The following CACNA1C variants were observed in gnomAD, a reference collection of about 807,000 sequenced individuals.
CACNA1C encodes calcium voltage-gated channel subunit alpha1 C, also known as voltage-dependent L-type calcium channel subunit alpha-1C.
Under a neutral mutation model 229.0 loss-of-function variants are expected in CACNA1C, and 30 were observed. The ratio of observed to expected loss-of-function variants is 0.13; its 90% CI spans 0.10 to 0.18. The LOEUF is 0.18. Among genes scored for constraint, CACNA1C ranks in the 10% least tolerant of loss-of-function variants. The probability of loss-of-function intolerance (pLI) is 1.00; values close to 1 mark genes in which losing one functional copy is unlikely to be tolerated. For missense variants in CACNA1C, 1,658 were observed against 2,845.0 expected (o/e 0.58, Z 9.49); for synonymous variants, 1,114 against 1,132.5 (o/e 0.98, Z 0.33).
intron 1 of CACNA1C, among the ~76,000 whole-genome samples, chr12:2,032,410 A>C (rs73044412): frequency 1.3e-5 from 2 of 152,260 alleles, no homozygotes; most frequent in Non-Finnish European, 2.9e-5. Flanking sequence ...GCACACATAG[A>C]GAATGGACTC....
Position 2,691,111 on chromosome 12 carries a change from G to A in CACNA1C, c.6329G>A (p.Gly2110Asp), listed in dbSNP as rs745731628. The A allele has an allele frequency of 1.2e-6, 2 of 1,612,062 alleles. No individual in the cohort carries two copies. The highest frequency in any genetic ancestry group is 8.5e-7 in the Non-Finnish European group (1 of 1,178,904). ...GACGCGGGGCAGGACCGAGCCGGGGGCGAAGAGGACGCGGGCTGTGTGCGC... is the reference window on the plus strand; with the variant it reads ...GACGCGGGGCAGGACCGAGCCGGGGACGAAGAGGACGCGGGCTGTGTGCGC... ...CRDAGQDRAG[G>D]EEDAGCVRAR... Residue 2110 changes from glycine to aspartate, a missense_variant, in exon 47 of 47, where the codon GGC becomes GAC. By Grantham distance (94) the Gly-to-Asp change is moderately conservative (BLOSUM62 -1). Coordinates refer to ENST00000399655, the MANE Select transcript of CACNA1C (RefSeq NM_000719.7).
At chr12:2,004,448 A>G in intron 1 of CACNA1C, 2 of 1,599,788 alleles carry the variant, frequency 1.3e-6, no homozygotes, top group Non-Finnish European at 1.7e-6. Context: ...TCCCTCCCAG[A>G]CATAGGCACG....
At chr12:2,580,019 G>T (rs2059935864) in intron 13 of CACNA1C, among the ~76,000 whole-genome samples, 1 of 152,180 alleles carries the variant, frequency 6.6e-6, no homozygotes, top group South Asian at 2.1e-4. Flanking sequence ...ACAGCCTCTA[G>T]CCTGCAGGGG....
chr12:2,606,211 G>T (rs962705599), intron 24 of CACNA1C, among the ~76,000 whole-genome samples: 2 of 152,048 alleles, frequency 1.3e-5, no homozygotes, highest in African/African-American at 4.8e-5. Context: ...AGCACCCCTC[G>T]TGTCCTCCTT....
At chr12:2,107,353 C>T (rs1268630083) in intron 1 of CACNA1C, among the ~76,000 whole-genome samples, 11 of 57,886 alleles carry the variant, frequency 1.9e-4, no homozygotes, top group Admixed American at 6.3e-4. Context: ...AACCACTGGG[C>T]GCCCACCCCG....
At position 2,201,090 on chromosome 12, in the gene CACNA1C, A is replaced by T. The variant is rs376846784; in HGVS notation, c.477+80660A>T. ...CAGAGTTCCTTAAGAGTGGTGGTTT[A>T]TCTTTCTGAGGTTGGCTGCCATGTT... On this transcript the variant is annotated intron_variant, in intron 3 of 46. Transcript: ENST00000399655. Among the ~76,000 whole-genome samples the T allele has an allele frequency of 3.9e-5, 6 of 152,272 alleles. 1 individual carries two copies. Among genetic ancestry groups the T allele is most frequent in the African/African-American group, 1.4e-4 (6 of 41,564 alleles).
Position 2,173,783 on chromosome 12 carries a change from C to T in CACNA1C, c.477+53353C>T, listed in dbSNP as rs138737080. Among the ~76,000 whole-genome samples, 415 of 152,164 alleles carry T rather than the reference C, an allele frequency of 2.7e-3. 1 individual carries two copies. The highest frequency in any genetic ancestry group is 7.1e-3 in the Admixed American group (109 of 15,272). On this transcript the variant is annotated intron_variant, in intron 3 of 46. Coordinates refer to ENST00000399655, the MANE Select transcript of CACNA1C (RefSeq NM_000719.7). ...TGCCTCAGTTCCCTGATCAGTAAAA[C>T]GGGGCTAACTATAGTACCTACTACT...
chr12:2,110,376 T>C lies in CACNA1C; in HGVS notation c.50-4848T>C, dbSNP rs1265995672. Among the ~76,000 whole-genome samples, 3 of 152,296 alleles carry C rather than the reference T, an allele frequency of 2.0e-5. No homozygotes were observed. In the East Asian group the frequency reaches 5.8e-4, roughly 29 times the overall value. ...GGCACCTACCTGTTGGTGTGTGGCCTGATCTGCGAGGCAGCTGCTCAGGGC... is the reference window on the plus strand; with the variant it reads ...GGCACCTACCTGTTGGTGTGTGGCCCGATCTGCGAGGCAGCTGCTCAGGGC... On this transcript the variant is annotated intron_variant, in intron 1 of 46. Coordinates refer to ENST00000399655, the MANE Select transcript of CACNA1C (RefSeq NM_000719.7).
At chr12:2,193,834 A>AT (rs1439066521) in intron 3 of CACNA1C, among the ~76,000 whole-genome samples, 1 of 152,090 alleles carries the variant, frequency 6.6e-6, no homozygotes, top group Non-Finnish European at 1.5e-5. Flanking sequence ...GCTGCTCTTC[A>AT]TTTTGTCCTC....
intron 3 of CACNA1C, among the ~76,000 whole-genome samples, chr12:2,383,943 G>A (rs762705363): frequency 6.6e-6 from 1 of 152,222 alleles, no homozygotes; most frequent in Non-Finnish European, 1.5e-5. Context: ...TTCCCTTTCT[G>A]CCAAAGGTGC....
At chr12:2,686,598 C>T (rs2097513197) in intron 45 of CACNA1C, among the ~76,000 whole-genome samples, 1 of 152,206 alleles carries the variant, frequency 6.6e-6, no homozygotes, top group Non-Finnish European at 1.5e-5. Flanking sequence ...TGACACTGGC[C>T]TATGCCTCAG....
rs76184973 is a variant in CACNA1C, at chr12:2,267,778, G to A, written c.477+147348G>A. On this transcript the variant is annotated intron_variant, in intron 3 of 46. Transcript: ENST00000399655. ...GGGGGGTTGGAATGTGTCTGCGGAGGGCAGCGAGGAAGGAGCCTGCTGGAA... is the reference window on the plus strand; with the variant it reads ...GGGGGGTTGGAATGTGTCTGCGGAGAGCAGCGAGGAAGGAGCCTGCTGGAA... 3.7e-4 allele frequency among the ~76,000 whole-genome samples: 56 copies of A among 152,302 alleles called. No homozygotes were observed. In the East Asian group the frequency reaches 0.01, roughly 28 times the overall value.
chr12:2,532,148 G>A (rs1187392460), intron 9 of CACNA1C, among the ~76,000 whole-genome samples: 1 of 152,154 alleles, frequency 6.6e-6, no homozygotes, highest in African/African-American at 2.4e-5. Flanking sequence ...GTTTCCATGA[G>A]GGGTTGTGCT....
chr12:2,478,577 C>T (rs1184541001), intron 5 of CACNA1C, among the ~76,000 whole-genome samples: 1 of 152,226 alleles, frequency 6.6e-6, no homozygotes, highest in Non-Finnish European at 1.5e-5. Flanking sequence ...ATGGCTGTCA[C>T]TGATATGGCC....
chr12:2,272,431 C>T (rs2085490794), intron 3 of CACNA1C, among the ~76,000 whole-genome samples: 1 of 152,180 alleles, frequency 6.6e-6, no homozygotes, highest in South Asian at 2.1e-4. Context: ...TGCCTCGTAT[C>T]ATCAGTCACC....
chr12:2,507,582 A>G (rs1429414244), intron 8 of CACNA1C, among the ~76,000 whole-genome samples: 2 of 152,254 alleles, frequency 1.3e-5, no homozygotes, highest in Non-Finnish European at 2.9e-5. Context: ...GCATTCAAAA[A>G]GGTCTCACTG....
chr12:2,660,851 A>T (rs574355058), intron 34 of CACNA1C: 1 of 152,196 alleles, frequency 6.6e-6, no homozygotes, highest in South Asian at 2.1e-4. Context: ...GGAAGAGGTT[A>T]AACAATATGC....
At chr12:2,228,789 T>C (rs2063805025) in intron 3 of CACNA1C, among the ~76,000 whole-genome samples, 1 of 152,214 alleles carries the variant, frequency 6.6e-6, no homozygotes, top group African/African-American at 2.4e-5. Context: ...TGTGACTTTT[T>C]CTGTCTTCTG....
At position 2,691,422 on chromosome 12, in the gene CACNA1C, G is replaced by A. The variant is rs919293905; in HGVS notation, c.*223G>A. ...GGGGAGAGGAGGCGGCGAGGGTCCC[G>A]GGGCGCGAGGAAGGCGCCTGCCCTC... is the stretch of plus-strand genomic sequence containing the variant. On this transcript the variant is annotated 3_prime_UTR_variant, in exon 47 of 47. Transcript: ENST00000399655. 4.6e-6 allele frequency: 2 copies of A among 435,574 alleles called. No homozygotes were observed. Among genetic ancestry groups the A allele is most frequent in the Non-Finnish European group, 7.7e-6 (2 of 260,802 alleles). 27.0% of individuals were successfully genotyped at this position (435,574 alleles called of 1,614,324 possible).
Sources: gnomAD v4.1 joint callset for allele counts (sites outside exome capture counted in the v4.1 genomes callset) on GRCh38, gnomAD v4.1.1 for gene constraint, MANE v1.5 for transcripts, NCBI Gene and HGNC (gene_info 2026-07-23, HGNC 2026-07-21) for gene names.